Variants in FOXP2 observed in about 807,000 individuals in gnomAD.
The protein encoded by FOXP2 is forkhead box protein P2.
In FOXP2, 12 loss-of-function variants were observed where a neutral mutation model predicts 115.8. The ratio of observed to expected loss-of-function variants is 0.10; its 90% CI spans 0.07 to 0.17. FOXP2 has a LOEUF of 0.17. FOXP2 is among the 10% of genes least tolerant of loss of function. FOXP2 has a pLI of 1.00. For missense variants in FOXP2, 629 were observed against 843.5 expected (o/e 0.75, Z 3.15); for synonymous variants, 328 against 297.7 (o/e 1.10, Z -1.05).
chr7:114,403,450 A>G (rs1235812892), intron 2 of FOXP2, among the ~76,000 whole-genome samples: 6 of 152,220 alleles, frequency 3.9e-5, no homozygotes, highest in Admixed American at 3.9e-4. Flanking sequence ...TAGTTAACTA[A>G]TGAAAAGAGT....
At chr7:114,189,434 A>G (rs559264915) in intron 1 of FOXP2, among the ~76,000 whole-genome samples, 2 of 152,174 alleles carry the variant, frequency 1.3e-5, no homozygotes, top group Non-Finnish European at 2.9e-5. Flanking sequence ...TTAAAATTAT[A>G]TGTGGAAATA....
At chr7:114,607,080 G>A (rs965465017) in intron 3 of FOXP2, among the ~76,000 whole-genome samples, 3 of 151,950 alleles carry the variant, frequency 2.0e-5, no homozygotes, top group African/African-American at 2.4e-5. Context: ...AGGAGAATAG[G>A]GATTCTCCTT....
chr7:114,302,607 A>C (rs1796904670), intron 2 of FOXP2, among the ~76,000 whole-genome samples: 1 of 152,216 alleles, frequency 6.6e-6, no homozygotes, highest in Non-Finnish European at 1.5e-5. Context: ...GGACACACAG[A>C]AAGATAACTC....
chr7:114,186,517 G>A (rs954331790), intron 1 of FOXP2, among the ~76,000 whole-genome samples: 3 of 113,874 alleles, frequency 2.6e-5, no homozygotes, highest in Admixed American at 1.0e-4. Context: ...GGTGGGAATC[G>A]GGCCCCCAAG....
chr7:114,372,449 A>G (rs1054635142), intron 2 of FOXP2, among the ~76,000 whole-genome samples: 8 of 152,206 alleles, frequency 5.3e-5, no homozygotes, highest in African/African-American at 1.9e-4. Flanking sequence ...ATTTCCTGGG[A>G]AAACTGGGGA....
At chr7:114,214,153 T>A (rs17418004) in intron 1 of FOXP2, among the ~76,000 whole-genome samples, 34,920 of 152,114 alleles carry the variant, frequency 0.23, 4,412 homozygotes, top group African/African-American at 0.28. Context: ...AGTCTTTGTA[T>A]TTAGTTTGTT....
At chr7:114,278,190 C>T (rs1016969065) in intron 1 of FOXP2, among the ~76,000 whole-genome samples, 6 of 151,854 alleles carry the variant, frequency 4.0e-5, no homozygotes, top group East Asian at 3.9e-4. Flanking sequence ...AATGAAAGAA[C>T]AAAAAAGAGA....
chr7:114,680,806 A>C (rs1055192611), intron 16 of FOXP2, among the ~76,000 whole-genome samples: 1 of 152,144 alleles, frequency 6.6e-6, no homozygotes, highest in Non-Finnish European at 1.5e-5. Flanking sequence ...GTAGTGCATA[A>C]ATTTCAAAAC....
chr7:114,414,752 A>C, upstream of FOXP2: 1 of 194,884 alleles, frequency 5.1e-6, no homozygotes, highest in Non-Finnish European at 1.1e-5. Flanking sequence ...CTGGAGCTTT[A>C]CCAAAAGTGC....
chr7:114,639,015 A>G (rs568655968), intron 6 of FOXP2, among the ~76,000 whole-genome samples: 26 of 152,326 alleles, frequency 1.7e-4, no homozygotes, highest in African/African-American at 6.0e-4. Context: ...ACTAATTTTC[A>G]GTACAAATGA....
At position 114,691,066 on chromosome 7, in the gene FOXP2, G is replaced by A. The variant is rs904918761; in HGVS notation, c.*1140G>A. On this transcript the variant is annotated 3_prime_UTR_variant, in exon 17 of 17. Transcript: ENST00000350908. The stretch of plus-strand genomic sequence containing the variant: ...AGTGGAAGTTATGATATGCTAGAAA[G>A]CAACAAATGTGGATCACTGACCAAA... The A allele has an allele frequency of 4.4e-6, 2 of 453,978 alleles. No individual in the cohort carries two copies. The highest frequency in any genetic ancestry group is 4.0e-5 in the African/African-American group (2 of 50,010). The allele number at this position is 453,978 out of a possible 1,614,324, so 28.1% of individuals were successfully genotyped here.
chr7:114,450,158 G>A (rs1388706627), intron 2 of FOXP2, among the ~76,000 whole-genome samples: 1 of 152,038 alleles, frequency 6.6e-6, no homozygotes, highest in Non-Finnish European at 1.5e-5. Flanking sequence ...ATGCCATTAT[G>A]TTGATATGAT....
intron 2 of FOXP2, among the ~76,000 whole-genome samples, chr7:114,312,046 T>C (rs185036430): frequency 1.3e-5 from 2 of 152,144 alleles, no homozygotes; most frequent in Admixed American, 1.3e-4. Flanking sequence ...CTTGGCCCAG[T>C]CTTTATTATT....
chr7:114,160,594 C>T (rs530896455), upstream of FOXP2, among the ~76,000 whole-genome samples: 4 of 152,170 alleles, frequency 2.6e-5, no homozygotes, highest in African/African-American at 9.6e-5. Context: ...TACCAGCATA[C>T]TTGAGAGAAT....
rs1584928224 is a variant in FOXP2, at chr7:114,588,468, A to G, written c.259-40072A>G. On this transcript the variant is annotated intron_variant, in intron 3 of 16. Transcript: ENST00000350908. ...GAAGAAAACACCTTTTATAATTTTT[A>G]TTTTTTTAGGTCTCTTGAAAATGGA... Among the ~76,000 whole-genome samples, 3 of 152,242 alleles carry G rather than the reference A, an allele frequency of 2.0e-5. 1 individual carries two copies. Among genetic ancestry groups the G allele is most frequent in the South Asian group, 4.1e-4 (2 of 4,820 alleles).
intron 2 of FOXP2, among the ~76,000 whole-genome samples, chr7:114,387,446 CCTT>C (rs541169555): frequency 9.2e-5 from 14 of 152,240 alleles, no homozygotes; most frequent in Middle Eastern, 3.4e-3. Flanking sequence ...TTAAGAATTT[CCTT>C]CTTCTCCCAA....
chr7:114,691,117 A>G lies in FOXP2; in HGVS notation c.*1191A>G, dbSNP rs1194944809. 1 of 454,102 alleles carries G rather than the reference A, an allele frequency of 2.2e-6. No homozygotes were observed. 28.1% of individuals were successfully genotyped at this position (454,102 alleles called of 1,614,324 possible). ...ACGATTATGTACTTGATGCAAATGC[A>G]GATTGCATATTGTTATATATATAGT... is the stretch of plus-strand genomic sequence containing the variant. On this transcript the variant is annotated 3_prime_UTR_variant, in exon 17 of 17. Transcript: ENST00000350908.
intron 1 of FOXP2, among the ~76,000 whole-genome samples, chr7:114,234,373 T>G (rs1270918753): frequency 6.6e-6 from 1 of 152,206 alleles, no homozygotes; most frequent in Non-Finnish European, 1.5e-5. Flanking sequence ...GTGACTTTCT[T>G]GGACATTAAG....
intron 3 of FOXP2, chr7:114,538,285 T>C (rs1799493780): frequency 3.2e-6 from 4 of 1,237,564 alleles, no homozygotes; most frequent in Non-Finnish European, 2.2e-6. Flanking sequence ...TTAGTTTAGA[T>C]ATGAAAATTG....
Sources: gnomAD v4.1 joint callset for allele counts (sites outside exome capture counted in the v4.1 genomes callset) on GRCh38, gnomAD v4.1.1 for gene constraint, MANE v1.5 for transcripts, NCBI Gene and HGNC (gene_info 2026-07-23, HGNC 2026-07-21) for gene names.